PLCXD3: variants seen among roughly 807,000 people sequenced by gnomAD.
PLCXD3 encodes phosphatidylinositol specific phospholipase C X domain containing 3.
PLCXD3 carries 19 observed loss-of-function variants against 25.5 expected under a neutral mutation model. That is an observed-to-expected ratio of 0.75 (90% CI 0.52 to 1.09). The LOEUF is 1.09. PLCXD3 is among the 50% of genes least tolerant of loss of function. The pLI is 0.00. For synonymous variants in PLCXD3, 174 were observed against 137.6 expected (o/e 1.26, Z -1.85); for missense variants, 411 against 388.1 (o/e 1.06, Z -0.50).
At chr5:41,438,866 A>C (rs1335268598) in intron 1 of PLCXD3, among the ~76,000 whole-genome samples, 3 of 152,206 alleles carry the variant, frequency 2.0e-5, no homozygotes, top group Non-Finnish European at 4.4e-5. Context: ...AAAAAAGCTA[A>C]GCGAACAGCC....
intron 1 of PLCXD3, among the ~76,000 whole-genome samples, chr5:41,494,016 C>T (rs1446112925): frequency 6.6e-6 from 1 of 152,220 alleles, no homozygotes; most frequent in Non-Finnish European, 1.5e-5. Context: ...CAGAAATCAC[C>T]CGTGTTCTGC....
Position 41,491,951 on chromosome 5 carries a change from T to G in PLCXD3, c.103+18473A>C, listed in dbSNP as rs555838817. Among the ~76,000 whole-genome samples, 12 of 152,334 alleles carry G rather than the reference T, an allele frequency of 7.9e-5. No individual in the cohort carries two copies. The East Asian group carries it at 1.7e-3, about 22-fold the overall frequency. ...CCATTTACATTTAAAGTTAATATTG[T>G]TATGTATGAATTTGATCCTGTCATT... On this transcript the variant is annotated intron_variant, in intron 1 of 2. Transcript: ENST00000377801.
chr5:41,456,477 T>C, intron 1 of PLCXD3: 1 of 737,428 alleles, frequency 1.4e-6, no homozygotes, highest in South Asian at 6.2e-5. Context: ...TTTATAAGGA[T>C]AAATGAAAAA....
intron 1 of PLCXD3, among the ~76,000 whole-genome samples, chr5:41,471,486 G>A (rs1376861926): frequency 6.6e-6 from 1 of 152,184 alleles, no homozygotes; most frequent in Non-Finnish European, 1.5e-5. Flanking sequence ...CTAGCCAGAG[G>A]AGAATCGCCC....
intron 1 of PLCXD3, among the ~76,000 whole-genome samples, chr5:41,405,826 C>T (rs1247115058): frequency 2.0e-5 from 3 of 151,950 alleles, no homozygotes; most frequent in Non-Finnish European, 2.9e-5. Flanking sequence ...TCAGATTAGT[C>T]TACTTAATCT....
At chr5:41,342,562 C>T (rs2329604) in intron 2 of PLCXD3, among the ~76,000 whole-genome samples, 12,865 of 152,150 alleles carry the variant, frequency 0.085, 833 homozygotes, top group East Asian at 0.35. Context: ...CAAAATTGTG[C>T]AGCTGAGTAC....
At chr5:41,360,336 T>G (rs1169460311) in intron 2 of PLCXD3, among the ~76,000 whole-genome samples, 1 of 152,236 alleles carries the variant, frequency 6.6e-6, no homozygotes, top group African/African-American at 2.4e-5. Context: ...ATAATCAACC[T>G]TCTGAATTAT....
intron 1 of PLCXD3, among the ~76,000 whole-genome samples, chr5:41,411,880 ATATG>A (rs1746543082): frequency 2.1e-4 from 1 of 4,828 alleles, no homozygotes; most frequent in Admixed American, 1.3e-3. Flanking sequence ...ATCTCCATAT[ATATG>A]TATCCATATA....
intron 1 of PLCXD3, among the ~76,000 whole-genome samples, chr5:41,467,068 C>A (rs981622131): frequency 5.3e-5 from 8 of 152,078 alleles, no homozygotes; most frequent in Non-Finnish European, 7.4e-5. Context: ...TTTGAATACA[C>A]ATATAAAAAT....
chr5:41,314,722 A>AT (rs1166824931), intron 2 of PLCXD3, among the ~76,000 whole-genome samples: 1 of 152,166 alleles, frequency 6.6e-6, no homozygotes, highest in African/African-American at 2.4e-5. Context: ...AGTAAAAAAA[A>AT]TGAGGATACT....
chr5:41,345,551 A>C (rs912576158), intron 2 of PLCXD3, among the ~76,000 whole-genome samples: 2 of 152,246 alleles, frequency 1.3e-5, no homozygotes, highest in African/African-American at 4.8e-5. Flanking sequence ...TTTTCTGAAC[A>C]CAGCCTGTCA....
intron 1 of PLCXD3, among the ~76,000 whole-genome samples, chr5:41,500,555 A>G (rs1044351396): frequency 1.0e-4 from 15 of 145,998 alleles, no homozygotes; most frequent in Admixed American, 4.9e-4. Flanking sequence ...CTAAACATAT[A>G]TATTATATGC....
intron 2 of PLCXD3, among the ~76,000 whole-genome samples, chr5:41,356,224 C>T (rs1744614021): frequency 6.6e-6 from 1 of 152,164 alleles, no homozygotes; most frequent in Admixed American, 6.5e-5. Context: ...TGAGATTGCG[C>T]CACTGCACTC....
intron 1 of PLCXD3, among the ~76,000 whole-genome samples, chr5:41,450,223 A>C (rs1747597650): frequency 6.6e-6 from 1 of 152,148 alleles, no homozygotes; most frequent in Admixed American, 6.6e-5. Context: ...AGACTGATAC[A>C]AGAAGAGTGG....
intron 1 of PLCXD3, among the ~76,000 whole-genome samples, chr5:41,490,302 A>G (rs1424517651): frequency 3.3e-5 from 5 of 152,216 alleles, no homozygotes; most frequent in East Asian, 1.9e-4. Flanking sequence ...ATCATGGTGG[A>G]TAAGCTTTTT....
At chr5:41,355,696 C>G (rs1744599136) in intron 2 of PLCXD3, among the ~76,000 whole-genome samples, 1 of 152,156 alleles carries the variant, frequency 6.6e-6, no homozygotes, top group South Asian at 2.1e-4. Flanking sequence ...CTTCATTCAC[C>G]AAATGATGTC....
At chr5:41,436,392 A>T (rs1444269515) in intron 1 of PLCXD3, among the ~76,000 whole-genome samples, 1 of 152,114 alleles carries the variant, frequency 6.6e-6, no homozygotes, top group Admixed American at 6.6e-5. Flanking sequence ...AAGTTACTTA[A>T]TGTCTCTAAG....
intron 2 of PLCXD3, among the ~76,000 whole-genome samples, chr5:41,341,497 A>G (rs1473400320): frequency 6.6e-6 from 1 of 152,230 alleles, no homozygotes; most frequent in East Asian, 1.9e-4. Flanking sequence ...GTGCCCTACA[A>G]ATTTAAGTTG....
chr5:41,490,486 T>A (rs10078047), intron 1 of PLCXD3, among the ~76,000 whole-genome samples: 17,008 of 151,810 alleles, frequency 0.11, 1,406 homozygotes, highest in African/African-American at 0.23. Flanking sequence ...TTTTCTATTG[T>A]TTGGAATAGT....
Sources: allele counts gnomAD v4.1 joint callset (sites outside exome capture counted in the v4.1 genomes callset), GRCh38; gene constraint gnomAD v4.1.1; transcripts MANE v1.5; gene names NCBI Gene and HGNC (gene_info 2026-07-23, HGNC 2026-07-21).